Variants in BLTP3B observed in about 807,000 individuals in gnomAD.
BLTP3B encodes the protein UHRF1 (ICBP90) binding protein 1-like.
the BLTP3B span, among the ~76,000 whole-genome samples, chr12:100,064,332 G>A: frequency 2.6e-5 from 4 of 152,306 alleles, no homozygotes; most frequent in African/African-American, 7.2e-5. Context: ...TCCTAAGGAG[G>A]AAGAGAAATC....
chr12:100,049,785 C>T, the BLTP3B span, among the ~76,000 whole-genome samples: 1 of 152,180 alleles, frequency 6.6e-6, no homozygotes, highest in East Asian at 1.9e-4. Flanking sequence ...GAGAACTTGC[C>T]AACAAACAAC....
At chr12:100,108,338 C>T in the BLTP3B span, 2 of 1,566,632 alleles carry the variant, frequency 1.3e-6, no homozygotes, top group Non-Finnish European at 1.7e-6. Context: ...AGAAGGAAAA[C>T]ATGAAAGGCC....
chr12:100,054,717 T>C, the BLTP3B span, among the ~76,000 whole-genome samples: 22 of 152,136 alleles, frequency 1.4e-4, no homozygotes, highest in African/African-American at 5.3e-4. Context: ...ATAACAGAGT[T>C]AGACAGAGAA....
At chr12:100,106,113 TAA>T in the BLTP3B span, among the ~76,000 whole-genome samples, 1 of 152,190 alleles carries the variant, frequency 6.6e-6, no homozygotes, top group African/African-American at 2.4e-5. Context: ...GGTAGGAATA[TAA>T]GTTAGTACAA....
chr12:100,094,001 A>G, the BLTP3B span, among the ~76,000 whole-genome samples: 1 of 152,146 alleles, frequency 6.6e-6, no homozygotes, highest in Non-Finnish European at 1.5e-5. Context: ...ACCTTTCCAC[A>G]CCCTGCAAGC....
chr12:100,126,799 T>C, the BLTP3B span, among the ~76,000 whole-genome samples: 1 of 152,354 alleles, frequency 6.6e-6, no homozygotes, highest in East Asian at 1.9e-4. Context: ...AAATAATTAA[T>C]GAAATCTGGT....
chr12:100,078,224 T>C, the BLTP3B span, among the ~76,000 whole-genome samples: 55 of 152,236 alleles, frequency 3.6e-4, no homozygotes, highest in African/African-American at 1.3e-3. Flanking sequence ...ATTAAAAGTA[T>C]GTGGCACCTC....
the BLTP3B span, among the ~76,000 whole-genome samples, chr12:100,137,887 C>T: frequency 6.6e-6 from 1 of 152,126 alleles, no homozygotes; most frequent in African/African-American, 2.4e-5. Flanking sequence ...TCTCCATTAC[C>T]ATATTTTTGC....
chr12:100,056,772 G>T, the BLTP3B span, among the ~76,000 whole-genome samples: 1 of 151,718 alleles, frequency 6.6e-6, no homozygotes, highest in Non-Finnish European at 1.5e-5. Context: ...CGAAGGCAGA[G>T]GTTTCAGTAA....
chr12:100,037,257 A>C, the BLTP3B span: 5 of 983,418 alleles, frequency 5.1e-6, no homozygotes, highest in Non-Finnish European at 6.0e-6. Flanking sequence ...AATATGGAGA[A>C]ATCAATTCAG....
the BLTP3B span, chr12:100,050,182 C>A: frequency 1.3e-6 from 2 of 1,534,396 alleles, no homozygotes; most frequent in South Asian, 1.3e-5. Context: ...TGGACGATTA[C>A]AAAGGTAATG....
chr12:100,087,158 C>CAGAA, the BLTP3B span, among the ~76,000 whole-genome samples: 71 of 59,788 alleles, frequency 1.2e-3, no homozygotes, highest in South Asian at 6.3e-3. Context: ...GACTCCATCT[C>CAGAA]AAAAAAAAAA....
the BLTP3B span, chr12:100,059,703 G>C: frequency 9.1e-7 from 1 of 1,097,292 alleles, no homozygotes; most frequent in Admixed American, 3.1e-5. Flanking sequence ...ATTAAATTGA[G>C]TAAAGGGGAC....
At chr12:100,108,521 C>T in the BLTP3B span, 1 of 1,610,320 alleles carries the variant, frequency 6.2e-7, no homozygotes, top group Non-Finnish European at 8.5e-7. Flanking sequence ...TTAGATTTAT[C>T]TTGTCAGGAG....
the BLTP3B span, among the ~76,000 whole-genome samples, chr12:100,048,992 G>T: frequency 6.6e-6 from 1 of 151,912 alleles, no homozygotes; most frequent in South Asian, 2.1e-4. Flanking sequence ...TCACACTCAG[G>T]GTAACCATTT....
the BLTP3B span, chr12:100,060,166 AT>A: frequency 1.3e-6 from 1 of 797,042 alleles, no homozygotes; most frequent in Non-Finnish European, 1.8e-6. Flanking sequence ...TTGAGGTATT[AT>A]TTACAAAATC....
At chr12:100,098,249 G>A in the BLTP3B span, 4 of 1,297,514 alleles carry the variant, frequency 3.1e-6, no homozygotes, top group South Asian at 6.4e-5. Context: ...GTAATACAGA[G>A]AAAAGCAAAG....
chr12:100,039,438 C>T, the BLTP3B span, among the ~76,000 whole-genome samples: 1 of 152,078 alleles, frequency 6.6e-6, no homozygotes, highest in Non-Finnish European at 1.5e-5. Context: ...TTATTTTTTG[C>T]TCAACACTCT....
the BLTP3B span, among the ~76,000 whole-genome samples, chr12:100,073,363 AT>A: frequency 5.5e-3 from 774 of 139,746 alleles, 14 homozygotes; most frequent in Non-Finnish European, 3.0e-3. Context: ...ACAGACACAG[AT>A]TTTTTTTTTT....
Sources: allele counts gnomAD v4.1 joint callset (sites outside exome capture counted in the v4.1 genomes callset), GRCh38; gene constraint gnomAD v4.1.1; transcripts MANE v1.5; gene names NCBI Gene and HGNC (gene_info 2026-07-23, HGNC 2026-07-21).